RERE: variants seen among roughly 807,000 people sequenced by gnomAD.
RERE encodes the protein arginine-glutamic acid dipeptide repeats protein.
RERE carries 40 observed loss-of-function variants against 146.1 expected under a neutral mutation model. That is an observed-to-expected ratio of 0.27 (90% CI 0.21 to 0.36). RERE has a LOEUF of 0.36. Among genes scored for constraint, RERE ranks in the 10% least tolerant of loss-of-function variants. The pLI, the probability that RERE is intolerant of heterozygous loss-of-function variation, is 1.00. For missense variants in RERE, 1,933 were observed against 2,138.7 expected (o/e 0.90, Z 1.90); for synonymous variants, 1,003 against 866.0 (o/e 1.16, Z -2.78).
At chr1:8,474,366 G>T (rs1484662508) in intron 10 of RERE, among the ~76,000 whole-genome samples, 2 of 152,152 alleles carry the variant, frequency 1.3e-5, no homozygotes, top group Non-Finnish European at 2.9e-5. Flanking sequence ...TGGTTATAAA[G>T]CATGTTATTT....
chr1:8,624,337 G>C lies in RERE; in HGVS notation c.369C>G (p.Phe123Leu). The stretch of plus-strand genomic sequence containing the variant: ...GTTTGAAGTCTTGAATGCTACAGAT[G>C]AAATACGGTGTGTTTGGCCTCCGAC... ...IESRRPNTPY[F>L]ICSIQDFKLV... Residue 123 changes from phenylalanine (F) to leucine (L), a missense_variant, in exon 3 of 23, where the codon TTC becomes TTG. Physicochemically the swap from Phe to Leu is conservative, Grantham distance 22 (BLOSUM62 0). Transcript: ENST00000400908. 6.2e-7 allele frequency: 1 copy of C among 1,611,448 alleles called. No homozygotes were observed. The highest frequency in any genetic ancestry group is 8.5e-7 in the Non-Finnish European group (1 of 1,179,396).
intron 2 of RERE, among the ~76,000 whole-genome samples, chr1:8,650,110 G>A (rs920945862): frequency 6.6e-6 from 1 of 152,058 alleles, no homozygotes; most frequent in East Asian, 1.9e-4. Flanking sequence ...GAGCTCCTAA[G>A]GACAAAATTA....
intron 4 of RERE, among the ~76,000 whole-genome samples, chr1:8,572,784 G>A (rs551211771): frequency 2.6e-5 from 4 of 152,232 alleles, no homozygotes; most frequent in East Asian, 1.9e-4. Flanking sequence ...GTCCAATAAC[G>A]GTTAAGTGCT....
rs3082094 is a variant in RERE, at chr1:8,601,626, CCACACACACACACACACACACACA to C, written c.522+12911_522+12934del. The stretch of plus-strand genomic sequence containing the variant: ...CCAACTGCCTTCATGTCCAAGGTCA[CCACACACACACACACACACACACA>C]CACACACACACACACACACACATCT... On this transcript the variant is annotated intron_variant, in intron 4 of 22. Transcript: ENST00000400908. Among the ~76,000 whole-genome samples the C allele has an allele frequency of 3.3e-4, 31 of 94,978 alleles. No individual in the cohort carries two copies. In the East Asian group the frequency reaches 8.8e-3, roughly 27 times the overall value. The allele number at this position is 94,978 out of a possible 152,430, so 62.3% of individuals were successfully genotyped here. A position where few individuals can be genotyped will look rare whatever the true frequency, so the allele number is the denominator to read the frequency against.
intron 1 of RERE, among the ~76,000 whole-genome samples, chr1:8,710,785 G>T (rs1383905017): frequency 6.6e-6 from 1 of 152,126 alleles, no homozygotes. Flanking sequence ...AAAGTGCTGG[G>T]ATTACAGGCG....
chr1:8,668,821 C>G (rs939964199), intron 1 of RERE, among the ~76,000 whole-genome samples: 1 of 151,988 alleles, frequency 6.6e-6, no homozygotes, highest in African/African-American at 2.4e-5. Flanking sequence ...TACAGAGTAA[C>G]TGCTATGGTT....
intron 10 of RERE, among the ~76,000 whole-genome samples, chr1:8,468,357 A>G (rs1311283150): frequency 6.6e-6 from 1 of 152,240 alleles, no homozygotes; most frequent in Non-Finnish European, 1.5e-5. Flanking sequence ...CCTAATATCC[A>G]GAACAAGCAG....
chr1:8,573,828 G>A (rs1171336388), intron 4 of RERE, among the ~76,000 whole-genome samples: 1 of 152,012 alleles, frequency 6.6e-6, no homozygotes, highest in Non-Finnish European at 1.5e-5. Context: ...TTTATTTCTG[G>A]AGACAGTCTC....
intron 1 of RERE, among the ~76,000 whole-genome samples, chr1:8,803,852 G>C (rs946604514): frequency 3.3e-5 from 5 of 151,946 alleles, no homozygotes; most frequent in African/African-American, 1.2e-4. Flanking sequence ...ATGTGCCACT[G>C]TGCCCAGCCA....
intron 7 of RERE, among the ~76,000 whole-genome samples, chr1:8,521,168 C>T (rs6577496): frequency 5.8e-5 from 7 of 121,138 alleles, no homozygotes; most frequent in East Asian, 2.2e-4. Flanking sequence ...AGTAGAGCTT[C>T]TTTTTTTCAA....
intron 7 of RERE, among the ~76,000 whole-genome samples, chr1:8,536,385 T>G (rs1645727539): frequency 6.6e-6 from 1 of 151,946 alleles, no homozygotes; most frequent in African/African-American, 2.4e-5. Context: ...GATCAAGCCG[T>G]CAGATTAAAT....
chr1:8,734,608 T>C (rs751742716), intron 1 of RERE, among the ~76,000 whole-genome samples: 35 of 152,106 alleles, frequency 2.3e-4, no homozygotes, highest in Non-Finnish European at 4.0e-4. Context: ...TGCTCAACAG[T>C]AAAATGAAGG....
In RERE at chr1:8,358,875, T is replaced by C. The variant is rs781095747; in HGVS notation, c.3660A>G (p.Pro1220=). The C allele has an allele frequency of 2.5e-6, 4 of 1,574,374 alleles. No homozygotes were observed. The highest frequency in any genetic ancestry group is 1.3e-5 in the African/African-American group (1 of 74,078). The change falls in exon 20 of 23, where the codon CCA becomes CCG. Residue 1220 remains proline, a synonymous_variant. Coordinates refer to ENST00000400908, the MANE Select transcript of RERE (RefSeq NM_001042681.2). The part of the protein sequence containing the change: ...SSAHEGRLSD[P]QLSGPGHMRP... Reference sequence around the variant, plus strand: ...GCATGTGGCCAGGACCACTGAGCTGTGGGTCACTGAGGCGACCTTCATGCG... The same window carrying C: ...GCATGTGGCCAGGACCACTGAGCTGCGGGTCACTGAGGCGACCTTCATGCG...
At chr1:8,809,157 A>AAAAAAAAT (rs985140466) in intron 1 of RERE, among the ~76,000 whole-genome samples, 12 of 146,206 alleles carry the variant, frequency 8.2e-5, no homozygotes, top group African/African-American at 2.5e-4. Context: ...AAAAAAAAAA[A>AAAAAAAAT]AAAGTACTGA....
intron 1 of RERE, among the ~76,000 whole-genome samples, chr1:8,731,503 A>T (rs918609357): frequency 6.6e-6 from 1 of 152,076 alleles, no homozygotes; most frequent in Non-Finnish European, 1.5e-5. Context: ...CTAAAGACTT[A>T]CGCCCACTAA....
chr1:8,808,399 A>G (rs934331276), intron 1 of RERE, among the ~76,000 whole-genome samples: 1 of 152,194 alleles, frequency 6.6e-6, no homozygotes, highest in Non-Finnish European at 1.5e-5. Flanking sequence ...TATAAACAAC[A>G]AAGAGAACAT....
At chr1:8,594,788 T>C (rs1570482532) in intron 4 of RERE, among the ~76,000 whole-genome samples, 1 of 152,156 alleles carries the variant, frequency 6.6e-6, no homozygotes, top group East Asian at 1.9e-4. Flanking sequence ...ACCATTCTTT[T>C]GATGGTAAAG....
At chr1:8,456,542 T>C (rs539374949) in intron 11 of RERE, among the ~76,000 whole-genome samples, 2 of 152,290 alleles carry the variant, frequency 1.3e-5, no homozygotes, top group Non-Finnish European at 2.9e-5. Context: ...GTAAAAACAC[T>C]GTTATGAGAG....
rs191599250 is a variant in RERE at position 8,434,359 on chromosome 1, G to A, written c.1204-11552C>T. ...AATCAGAGAATGAGAAAGCTAGAAA[G>A]AAGCTTTAGAGAACTACGCTGGTTG... On this transcript the variant is annotated intron_variant, in intron 11 of 22. Transcript: ENST00000400908. Among the ~76,000 whole-genome samples the A allele has an allele frequency of 3.3e-4, 51 of 152,364 alleles. 1 individual carries two copies. The highest frequency in any genetic ancestry group is 9.1e-4 in the Admixed American group (14 of 15,308).
Sources: allele counts gnomAD v4.1 joint callset (sites outside exome capture counted in the v4.1 genomes callset), GRCh38; gene constraint gnomAD v4.1.1; transcripts MANE v1.5; gene names NCBI Gene and HGNC (gene_info 2026-07-23, HGNC 2026-07-21).